The following FBXO15 variants were observed in gnomAD, a reference collection of about 807,000 sequenced individuals.
The protein encoded by FBXO15 is F-box protein 15, also known as F-box only protein 15.
Under a neutral mutation model 49.5 loss-of-function variants are expected in FBXO15, and 30 were observed. That is an observed-to-expected ratio of 0.61 (90% CI 0.45 to 0.82). FBXO15 has a LOEUF of 0.82. Ranked by LOEUF, FBXO15 falls within the 40% of genes least tolerant of loss-of-function variation. The probability of loss-of-function intolerance (pLI) is 0.00; values close to 1 mark genes in which losing one functional copy is unlikely to be tolerated. For synonymous variants in FBXO15, 250 were observed against 232.7 expected, an observed-to-expected ratio of 1.07 and a Z score of -0.68; for missense variants, 591 against 631.5, an observed-to-expected ratio of 0.94 and a Z score of 0.69.
intron 9 of FBXO15, among the ~76,000 whole-genome samples, chr18:74,079,048 A>G (rs1297657013): frequency 6.6e-6 from 1 of 152,212 alleles, no homozygotes; most frequent in Non-Finnish European, 1.5e-5. Flanking sequence ...TTCTTACATA[A>G]AGCAGAACCA....
At chr18:74,123,342 T>C (rs1446565000) in intron 8 of FBXO15, 26 bp downstream of exon 8, 3 of 1,592,518 alleles carry the variant, frequency 1.9e-6, no homozygotes, top group Non-Finnish European at 2.6e-6. Context: ...AATTTCATAA[T>C]GAAATAAAAA....
chr18:74,100,855 C>G (rs767888979), intron 8 of FBXO15, among the ~76,000 whole-genome samples: 8 of 152,114 alleles, frequency 5.3e-5, no homozygotes, highest in Middle Eastern at 3.4e-3. Context: ...TAGCTTAAAT[C>G]AGAAAGAATT....
intron 8 of FBXO15, among the ~76,000 whole-genome samples, chr18:74,089,576 A>G (rs1054709806): frequency 2.0e-5 from 3 of 152,182 alleles, no homozygotes; most frequent in Admixed American, 6.5e-5. Flanking sequence ...GGCTGTTATT[A>G]TTTTGAAGTA....
chr18:74,096,501 A>G (rs1387462742), intron 8 of FBXO15, among the ~76,000 whole-genome samples: 3 of 152,124 alleles, frequency 2.0e-5, no homozygotes, highest in East Asian at 3.9e-4. Flanking sequence ...GCAGTAAATA[A>G]TATCTAAGCA....
intron 8 of FBXO15, among the ~76,000 whole-genome samples, chr18:74,095,635 C>T (rs568987502): frequency 9.2e-5 from 14 of 152,128 alleles, no homozygotes; most frequent in East Asian, 3.9e-4. Flanking sequence ...CACAAATCAC[C>T]GGAACAGATA....
At chr18:74,115,016 A>G (rs1914168633) in intron 8 of FBXO15, among the ~76,000 whole-genome samples, 5 of 152,210 alleles carry the variant, frequency 3.3e-5, no homozygotes, top group Admixed American at 3.3e-4. Context: ...TGAGGGAGAT[A>G]ATGTCTAGAA....
intron 8 of FBXO15, among the ~76,000 whole-genome samples, chr18:74,091,721 T>G (rs1317274116): frequency 6.6e-6 from 1 of 152,230 alleles, no homozygotes; most frequent in Non-Finnish European, 1.5e-5. Flanking sequence ...GCACTCATTC[T>G]TTTCTGTAGG....
chr18:74,089,442 T>C (rs535358878), intron 8 of FBXO15, among the ~76,000 whole-genome samples: 35 of 152,306 alleles, frequency 2.3e-4, no homozygotes, highest in African/African-American at 8.4e-4. Flanking sequence ...GTCTGATTGC[T>C]CTAGCCAGGA....
intron 8 of FBXO15, among the ~76,000 whole-genome samples, chr18:74,083,964 C>A (rs77700766): frequency 0.11 from 16,483 of 152,170 alleles, 1,148 homozygotes; most frequent in East Asian, 0.16. Context: ...TTTCTGAATT[C>A]ATAGGTGATA....
intron 3 of FBXO15, among the ~76,000 whole-genome samples, chr18:74,135,401 C>G (rs899231842): frequency 6.6e-6 from 1 of 152,156 alleles, no homozygotes; most frequent in Non-Finnish European, 1.5e-5. Flanking sequence ...TTCTGCTCTG[C>G]GAATGCACGG....
rs1240860318 is a variant in FBXO15 at position 74,140,220 on chromosome 18, C to G, written c.209G>C (p.Cys70Ser). 3.2e-6 allele frequency: 5 copies of G among 1,551,150 alleles called. No homozygotes were observed. The Admixed American group carries it at 5.9e-5, about 18-fold the overall frequency. The stretch of plus-strand genomic sequence containing the variant: ...TACTTACCCATCCAGGAACCCAGAA[C>G]AGCAGGAGAAAGAGCTCTCCCAGTG... ...GQHWESSFSCCSGFLDGMPSE... is the reference protein window; with the variant it reads ...GQHWESSFSCSSGFLDGMPSE... The change falls in exon 2 of 10, where the codon TGT (cysteine) becomes TCT (serine). Residue 70 changes from cysteine (C) to serine (S), a missense_variant. Transcript: ENST00000419743.
intron 5 of FBXO15, among the ~76,000 whole-genome samples, chr18:74,128,105 C>G (rs1316228277): frequency 6.6e-6 from 1 of 152,116 alleles, no homozygotes; most frequent in African/African-American, 2.4e-5. Flanking sequence ...TAAAAGGTAA[C>G]TGTTTCCAAA....
At chr18:74,135,958 A>ACGGCCTTCT in intron 2 of FBXO15, 92 bp from the exon 3 acceptor site, 1 of 995,634 alleles carries the variant, frequency 1.0e-6, no homozygotes, top group Non-Finnish European at 1.5e-6. Flanking sequence ...GCTCATCTCT[A>ACGGCCTTCT]AATAGAAGGC....
intron 8 of FBXO15, chr18:74,097,395 G>A (rs1241330103): frequency 1.3e-5 from 2 of 151,102 alleles, no homozygotes; most frequent in Non-Finnish European, 1.5e-5. Context: ...TTGGGGGGTT[G>A]GGGGGTTGGG....
At chr18:74,108,863 T>C (rs753865263) in intron 8 of FBXO15, among the ~76,000 whole-genome samples, 2 of 152,192 alleles carry the variant, frequency 1.3e-5, no homozygotes, top group African/African-American at 2.4e-5. Context: ...CATCTGACTT[T>C]TCCTCAGAAA....
chr18:74,132,968 G>C (rs1978488889), intron 3 of FBXO15, among the ~76,000 whole-genome samples: 1 of 152,196 alleles, frequency 6.6e-6, no homozygotes. Flanking sequence ...AAGTGTGCCT[G>C]CCCATAAGTC....
chr18:74,131,420 A>G (rs1444010752), intron 3 of FBXO15, among the ~76,000 whole-genome samples: 1 of 152,164 alleles, frequency 6.6e-6, no homozygotes, highest in Non-Finnish European at 1.5e-5. Context: ...CAGAGCTCAC[A>G]CTCTTATCAC....
At chr18:74,089,148 G>A (rs67052402) in intron 8 of FBXO15, among the ~76,000 whole-genome samples, 2,861 of 151,890 alleles carry the variant, frequency 0.019, 87 homozygotes, top group African/African-American at 0.062. Context: ...CACACCCCTC[G>A]ACAGGCCCCA....
rs1260313473 is a variant in FBXO15 at position 74,073,857 on chromosome 18, TG to T, written c.1264-128del. The T allele has an allele frequency of 3.5e-6, 4 of 1,135,724 alleles. No individual in the cohort carries two copies. The East Asian group carries it at 9.7e-5, about 27-fold the overall frequency. The allele number at this position is 1,135,724 out of a possible 1,614,324, so 70.4% of individuals were successfully genotyped here. On this transcript the variant is annotated intron_variant, in intron 9 of 9. Coordinates refer to ENST00000419743, the MANE Select transcript of FBXO15 (RefSeq NM_001142958.2). Reference sequence around the variant, plus strand: ...GCATCAAAATCCAGAATACTATCATTGGTTTTTCATGGCCTACTTCATAACC... The same window carrying T: ...GCATCAAAATCCAGAATACTATCATTGTTTTTCATGGCCTACTTCATAACC...
Sources: allele counts gnomAD v4.1 joint callset (sites outside exome capture counted in the v4.1 genomes callset), GRCh38; gene constraint gnomAD v4.1.1; transcripts MANE v1.5; gene names NCBI Gene and HGNC (gene_info 2026-07-23, HGNC 2026-07-21).